The following PARD3B variants were observed in gnomAD, a reference collection of about 807,000 sequenced individuals.
PARD3B encodes par-3 family cell polarity regulator beta, also known as partitioning defective 3 homolog B.
Under a neutral mutation model 130.2 loss-of-function variants are expected in PARD3B, and 103 were observed. The observed-to-expected ratio is 0.79, with a 90% CI of 0.67 to 0.93. The LOEUF is 0.93. PARD3B is among the 40% of genes least tolerant of loss of function. PARD3B has a pLI of 0.00. For missense variants in PARD3B, 1,609 were observed against 1,499.2 expected (o/e 1.07, Z -1.21); for synonymous variants, 583 against 553.2 (o/e 1.05, Z -0.76).
At chr2:205,028,636 C>T (rs1697202772) in intron 3 of PARD3B, among the ~76,000 whole-genome samples, 1 of 152,116 alleles carries the variant, frequency 6.6e-6, no homozygotes, top group Non-Finnish European at 1.5e-5. Context: ...TGATGTCCAT[C>T]TCTCACCACT....
rs1459666833 is a variant in PARD3B at position 204,889,074 on chromosome 2, GTGT to G, written c.223-76073_223-76071del. Among the ~76,000 whole-genome samples the G allele has an allele frequency of 5.9e-5, 9 of 152,114 alleles. No homozygotes were observed. In the South Asian group the frequency reaches 1.2e-3, roughly 21 times the overall value. On this transcript the variant is annotated intron_variant, in intron 2 of 22. Transcript: ENST00000406610. ...CAGAGCTCAATGCCTTATGCTTCTG[GTGT>G]TGTTCTCTCATTGTGGGGAAACTGA... is the stretch of plus-strand genomic sequence containing the variant.
At chr2:205,031,330 C>A (rs181946226) in intron 3 of PARD3B, among the ~76,000 whole-genome samples, 2 of 152,086 alleles carry the variant, frequency 1.3e-5, no homozygotes, top group African/African-American at 2.4e-5. Flanking sequence ...TGATAGCATC[C>A]GAACTTTCAT....
At chr2:204,583,059 C>T (rs1274410455) in intron 1 of PARD3B, among the ~76,000 whole-genome samples, 1 of 149,848 alleles carries the variant, frequency 6.7e-6, no homozygotes, top group Admixed American at 6.7e-5. Flanking sequence ...TTGTGGAAGT[C>T]AGTGTGGCGA....
At chr2:205,058,971 T>A (rs1699904101) in intron 4 of PARD3B, among the ~76,000 whole-genome samples, 1 of 151,754 alleles carries the variant, frequency 6.6e-6, no homozygotes, top group African/African-American at 2.4e-5. Flanking sequence ...TTTTTAACTG[T>A]GCTTTTTGTA....
intron 2 of PARD3B, among the ~76,000 whole-genome samples, chr2:204,879,209 A>C (rs1273888547): frequency 6.6e-6 from 1 of 152,190 alleles, no homozygotes; most frequent in Non-Finnish European, 1.5e-5. Flanking sequence ...GTTACTGGAC[A>C]GGGAGCACAG....
chr2:204,995,156 A>G (rs1056778381), intron 3 of PARD3B, among the ~76,000 whole-genome samples: 40 of 152,104 alleles, frequency 2.6e-4, no homozygotes, highest in African/African-American at 9.4e-4. Flanking sequence ...TCATTAGTTG[A>G]TGCAGTTTCT....
intron 18 of PARD3B, among the ~76,000 whole-genome samples, chr2:205,328,397 C>T (rs578181163): frequency 7.3e-4 from 111 of 152,190 alleles, no homozygotes; most frequent in Admixed American, 3.2e-3. Flanking sequence ...TTTTAACTAC[C>T]TCATATAACC....
Position 205,176,488 on chromosome 2 carries a change from A to G in PARD3B, c.1835A>G (p.Asn612Ser). 1 of 1,612,460 alleles carries G rather than the reference A, an allele frequency of 6.2e-7. No homozygotes were observed. Among genetic ancestry groups the G allele is most frequent in the Non-Finnish European group, 8.5e-7 (1 of 1,178,990 alleles). ...CGAFSKPCFENCQNAVTTSRR... is the reference protein window; with the variant it reads ...CGAFSKPCFESCQNAVTTSRR... The stretch of plus-strand genomic sequence containing the variant: ...GCATTTTCCAAGCCATGCTTTGAGA[A>G]CTGTCAAAATGCTGTAACCACCTCT... The change falls in exon 13 of 23, where the codon AAC becomes AGC. Residue 612 changes from asparagine (N) to serine (S), a missense_variant. By Grantham distance (46) the Asn-to-Ser change is conservative. Transcript: ENST00000406610. The surrounding 1 kb of genome is among the most constrained non-coding windows in gnomAD (Gnocchi z 5.3).
At position 205,187,277 on chromosome 2, in the gene PARD3B, C is replaced by A. The variant is rs576955659; in HGVS notation, c.2024+1414C>A. 6.6e-6 allele frequency among the ~76,000 whole-genome samples: 1 copy of A among 152,048 alleles called. No homozygotes were observed. The highest frequency in any genetic ancestry group is 1.5e-5 in the Non-Finnish European group (1 of 68,008). On this transcript the variant is annotated intron_variant, in intron 14 of 22. Transcript: ENST00000406610. This position sits in a 1 kb window ranked among gnomAD's most constrained non-coding sequence, Gnocchi z 4.9. ...AGCAGCAGAAGAAACAGCATAGAGACGGGAGAGTAAATTGAATTGTACAAG... is the reference window on the plus strand; with the variant it reads ...AGCAGCAGAAGAAACAGCATAGAGAAGGGAGAGTAAATTGAATTGTACAAG...
chr2:204,635,086 T>C (rs183263917), intron 1 of PARD3B, among the ~76,000 whole-genome samples: 3 of 152,284 alleles, frequency 2.0e-5, no homozygotes, highest in East Asian at 3.9e-4. Context: ...ATACCATATT[T>C]TGGGGGCTTA....
At chr2:205,203,594 C>G (rs1000255070) in intron 15 of PARD3B, among the ~76,000 whole-genome samples, 1 of 152,028 alleles carries the variant, frequency 6.6e-6, no homozygotes, top group Admixed American at 6.6e-5. Flanking sequence ...TAAGACTATC[C>G]CTCCCCTATG....
intron 7 of PARD3B, among the ~76,000 whole-genome samples, chr2:205,120,444 G>A (rs116320450): frequency 6.6e-6 from 1 of 152,166 alleles, no homozygotes; most frequent in South Asian, 2.1e-4. Context: ...AGAAAGGGGG[G>A]TGCGGGGTAG....
chr2:205,280,934 G>A lies in PARD3B; in HGVS notation c.2186-19596G>A, dbSNP rs1359248948. Among the ~76,000 whole-genome samples the A allele has an allele frequency of 6.6e-6, 1 of 152,130 alleles. No individual in the cohort carries two copies. Among genetic ancestry groups the A allele is most frequent in the Non-Finnish European group, 1.5e-5 (1 of 68,024 alleles). On this transcript the variant is annotated intron_variant, in intron 16 of 22. Transcript: ENST00000406610. The surrounding 1 kb of genome is among the most constrained non-coding windows in gnomAD (Gnocchi z 4.7). ...GGCGTATTGATTCCTTTTATTACTA[G>A]CAGCCGTTTAACCTGACCTCTTCCA...
Position 204,844,172 on chromosome 2 carries a change from T to C in PARD3B, c.223-120980T>C, listed in dbSNP as rs2125592741. ...TGGTTACCTTTTAAATGTGTGCACTTATGTTTGTTTTTAATCCAAATTTGT... is the reference window on the plus strand; with the variant it reads ...TGGTTACCTTTTAAATGTGTGCACTCATGTTTGTTTTTAATCCAAATTTGT... On this transcript the variant is annotated intron_variant, in intron 2 of 22. Coordinates refer to ENST00000406610, the MANE Select transcript of PARD3B (RefSeq NM_001302769.2). 3.3e-5 allele frequency among the ~76,000 whole-genome samples: 5 copies of C among 152,302 alleles called. No homozygotes were observed. The South Asian group carries it at 1.0e-3, about 32-fold the overall frequency.
intron 20 of PARD3B, among the ~76,000 whole-genome samples, chr2:205,471,382 A>T (rs2048827309): frequency 8.0e-6 from 1 of 125,616 alleles, no homozygotes; most frequent in African/African-American, 3.3e-5. Context: ...TTTTTCTGAG[A>T]CAGAGTTTCA....
At chr2:204,661,038 G>A (rs990282439) in intron 1 of PARD3B, among the ~76,000 whole-genome samples, 11 of 152,174 alleles carry the variant, frequency 7.2e-5, no homozygotes, top group African/African-American at 2.2e-4. Flanking sequence ...CCAGTGACTT[G>A]CCCTACAAGT....
In PARD3B at chr2:205,158,733, T is replaced by C; in HGVS notation, c.1446T>C (p.Pro482=). The change falls in exon 11 of 23, where the codon CCT becomes CCC. Residue 482 remains proline, a synonymous_variant. Coordinates refer to ENST00000406610, the MANE Select transcript of PARD3B (RefSeq NM_001302769.2). This position sits in a 1 kb window ranked among gnomAD's most constrained non-coding sequence, Gnocchi z 5.4. ...HFLPRELKGE[P]DCCALSLETS... is the part of the protein sequence containing the mutation. Reference sequence around the variant, plus strand: ...TATTCCCCTAACAGAAAGGAGAACCTGACTGCTGTGCACTCTCTCTGGAGA... The same window carrying C: ...TATTCCCCTAACAGAAAGGAGAACCCGACTGCTGTGCACTCTCTCTGGAGA... 6.2e-7 allele frequency: 1 copy of C among 1,612,028 alleles called. No individual in the cohort carries two copies. The highest frequency in any genetic ancestry group is 8.5e-7 in the Non-Finnish European group (1 of 1,179,268).
intron 1 of PARD3B, among the ~76,000 whole-genome samples, chr2:204,590,049 G>T (rs2033009146): frequency 6.6e-6 from 1 of 152,126 alleles, no homozygotes; most frequent in Non-Finnish European, 1.5e-5. Context: ...GAGGGTGATT[G>T]TATTAGTCTG....
At chr2:204,708,185 T>C (rs2038269564) in intron 2 of PARD3B, among the ~76,000 whole-genome samples, 3 of 152,156 alleles carry the variant, frequency 2.0e-5, no homozygotes, top group Non-Finnish European at 2.9e-5. Context: ...GTTTTTTAAT[T>C]TTTTTGTAGA....
Sources: allele counts gnomAD v4.1 joint callset (sites outside exome capture counted in the v4.1 genomes callset), GRCh38; gene constraint gnomAD v4.1.1; non-coding constraint Gnocchi (gnomAD v3.1); transcripts MANE v1.5; gene names NCBI Gene and HGNC (gene_info 2026-07-23, HGNC 2026-07-21).